SI: variants seen among roughly 807,000 people sequenced by gnomAD.
SI encodes the protein sucrase-isomaltase.
A neutral mutation model predicts 253.3 loss-of-function variants in SI; 235 were observed. The observed-to-expected ratio is 0.93, with a 90% CI of 0.83 to 1.03. The LOEUF (loss-of-function observed/expected upper bound fraction) is 1.03. SI is among the 50% of genes least tolerant of loss of function. The probability of loss-of-function intolerance (pLI) is 0.00; values close to 1 mark genes in which losing one functional copy is unlikely to be tolerated. For missense variants in SI, 2,442 were observed against 2,211.1 expected (o/e 1.10, Z -2.09); for synonymous variants, 819 against 712.0 (o/e 1.15, Z -2.39).
At chr3:165,072,373 T>C (rs1714634871) in intron 3 of SI, among the ~76,000 whole-genome samples, 1 of 151,896 alleles carries the variant, frequency 6.6e-6, no homozygotes, top group Admixed American at 6.6e-5. Context: ...ATCTTTAGGG[T>C]ATTTAATGAA....
rs534637250 is a variant in SI, at chr3:165,038,971, A to G, written c.2301+107T>C. On this transcript the variant is annotated intron_variant, in intron 20 of 47. Transcript: ENST00000264382. ...TTTTTATAGTAATGACAGAAATTCT[A>G]AAAATATGTATGCTATGTAGTTAAG... is the stretch of plus-strand genomic sequence containing the variant. The G allele has an allele frequency of 3.9e-5, 26 of 671,350 alleles. 1 individual carries two copies. In the South Asian group the frequency reaches 5.0e-4, roughly 13 times the overall value. 41.6% of individuals were successfully genotyped at this position (671,350 alleles called of 1,614,324 possible).
At chr3:164,993,774 C>T (rs2108129995) in intron 41 of SI, among the ~76,000 whole-genome samples, 1 of 151,582 alleles carries the variant, frequency 6.6e-6, no homozygotes, top group East Asian at 1.9e-4. Flanking sequence ...AGAGGTGAAT[C>T]CAAAACAAAT....
intron 47 of SI, among the ~76,000 whole-genome samples, chr3:164,979,830 A>G (rs772514169): frequency 1.3e-5 from 2 of 151,876 alleles, no homozygotes; most frequent in Non-Finnish European, 2.9e-5. Context: ...TTTAGATTTA[A>G]AAGTGTTATT....
chr3:165,089,537 GAGA>G, the SI span, among the ~76,000 whole-genome samples: 2 of 152,152 alleles, frequency 1.3e-5, no homozygotes, highest in African/African-American at 4.8e-5. Flanking sequence ...CAGGAGCAGA[GAGA>G]AGAAGGATCC....
intron 34 of SI, among the ~76,000 whole-genome samples, chr3:165,012,377 A>T (rs1347933993): frequency 1.3e-5 from 2 of 152,096 alleles, no homozygotes; most frequent in African/African-American, 4.8e-5. Context: ...ATTTATTAAG[A>T]GGGTAGATCT....
chr3:165,060,017 A>C lies in SI; in HGVS notation c.1031T>G (p.Leu344Arg). ...VVQQYQQLVG[L>R]PAMPAYWNLG... ...ATTCCAATATGCTGGCATTGCTGGT[A>C]GTCCAACAAGCTTAAAGTAAATGAG... Residue 344 changes from leucine (L) to arginine (R), a missense_variant, in exon 10 of 48, where the codon CTA becomes CGA. Coordinates refer to ENST00000264382, the MANE Select transcript of SI (RefSeq NM_001041.4). The C allele has an allele frequency of 6.2e-7, 1 of 1,611,576 alleles. No individual in the cohort carries two copies. Among genetic ancestry groups the C allele is most frequent in the Non-Finnish European group, 8.5e-7 (1 of 1,178,316 alleles).
Position 164,994,333 on chromosome 3 carries a change from A to C in SI, c.4765T>G (p.Leu1589Val), listed in dbSNP as rs770882773. 1.2e-6 allele frequency: 2 copies of C among 1,611,008 alleles called. No homozygotes were observed. The highest frequency in any genetic ancestry group is 8.5e-7 in the Non-Finnish European group (1 of 1,177,820). The change falls in exon 41 of 48, where the codon TTA (leucine) becomes GTA (valine). Residue 1589 changes from leucine to valine, a missense_variant. Physicochemically the swap from Leu to Val is conservative, Grantham distance 32. Transcript: ENST00000264382. ...SRNILNIRYT[L>V]LPYFYTQMHE... ...ATTTGTGTGTAAAAATAGGGCAATA[A>C]GGTGTATCTAATATTTAGAATATTC...
At chr3:164,989,757 A>C (rs1391362253) in intron 44 of SI, among the ~76,000 whole-genome samples, 1 of 152,248 alleles carries the variant, frequency 6.6e-6, no homozygotes, top group Non-Finnish European at 1.5e-5. Flanking sequence ...AGTGCTAAAA[A>C]GAAATGAGAT....
intron 21 of SI, 99 bp downstream of exon 21, chr3:165,037,801 G>A: frequency 1.2e-6 from 1 of 844,404 alleles, no homozygotes; most frequent in Admixed American, 2.0e-5. Context: ...AATATCTTCT[G>A]GTGCAGAAAC....
At chr3:165,045,026 A>C (rs1276551494) in intron 16 of SI, among the ~76,000 whole-genome samples, 1 of 152,044 alleles carries the variant, frequency 6.6e-6, no homozygotes, top group Non-Finnish European at 1.5e-5. Flanking sequence ...TCATTTAACA[A>C]ATTATACATG....
At chr3:165,031,048 CAG>C (rs1712210951) in intron 24 of SI, among the ~76,000 whole-genome samples, 181 bp from the exon 25 acceptor site, 1 of 149,524 alleles carries the variant, frequency 6.7e-6, no homozygotes, top group African/African-American at 2.4e-5. Flanking sequence ...ACTAGAAAAA[CAG>C]AAAATATATA....
At chr3:164,988,416 G>A (rs1717545399) in intron 44 of SI, among the ~76,000 whole-genome samples, 1 of 152,036 alleles carries the variant, frequency 6.6e-6, no homozygotes, top group African/African-American at 2.4e-5. Context: ...ACTAAAACTT[G>A]TGATTAGAAA....
In SI at chr3:165,059,972, C is replaced by T. The variant is rs769430395; in HGVS notation, c.1076G>A (p.Arg359His). 3.1e-6 allele frequency: 5 copies of T among 1,612,036 alleles called. No individual in the cohort carries two copies. Among genetic ancestry groups the T allele is most frequent in the Non-Finnish European group, 2.5e-6 (3 of 1,178,686 alleles). The change falls in exon 10 of 48, where the codon CGC becomes CAC. Residue 359 changes from arginine to histidine, a missense_variant. Coordinates refer to ENST00000264382, the MANE Select transcript of SI (RefSeq NM_001041.4). ...TACATCTAGTGACTTATAATTCCAG[C>T]GACTTAGTTGGAATCCAAGATTCCA... The part of the protein sequence containing the change: ...AYWNLGFQLS[R>H]WNYKSLDVVK...
At chr3:165,033,954 T>C (rs1576898904) in intron 22 of SI, among the ~76,000 whole-genome samples, 1 of 151,464 alleles carries the variant, frequency 6.6e-6, no homozygotes, top group South Asian at 2.1e-4. Flanking sequence ...ATGAGGAAAA[T>C]GGATGAATAC....
chr3:165,084,864 T>C, the SI span, among the ~76,000 whole-genome samples: 1 of 152,086 alleles, frequency 6.6e-6, no homozygotes, highest in Non-Finnish European at 1.5e-5. Flanking sequence ...AACAGAAGTT[T>C]CACAAATAAC....
intron 3 of SI, among the ~76,000 whole-genome samples, chr3:165,073,877 A>T (rs115516151): frequency 6.6e-6 from 1 of 152,092 alleles, no homozygotes; most frequent in East Asian, 1.9e-4. Flanking sequence ...CTGCCATTTT[A>T]TTTGAGAGAT....
Position 165,033,411 on chromosome 3 carries a change from G to T in SI, c.2549C>A (p.Thr850Lys). The part of the protein sequence containing the change: ...TIQNGNYILY[T>K]FSVSNNTLDI... The stretch of plus-strand genomic sequence containing the variant: ...AGTGCTTACATTAGAAACTGAAAAT[G>T]TATATAATATGTAGTTGCCATTTTG... The change falls in exon 23 of 48, where the codon ACA becomes AAA. Residue 850 changes from threonine to lysine, a missense_variant. Thr to Lys is a moderately conservative substitution (Grantham distance 78). Transcript: ENST00000264382. 6.4e-7 allele frequency: 1 copy of T among 1,556,124 alleles called. No homozygotes were observed. Among genetic ancestry groups the T allele is most frequent in the Non-Finnish European group, 8.7e-7 (1 of 1,147,474 alleles).
At chr3:165,066,575 C>T (rs539463175) in intron 6 of SI, among the ~76,000 whole-genome samples, 1 of 151,938 alleles carries the variant, frequency 6.6e-6, no homozygotes, top group South Asian at 2.1e-4. Flanking sequence ...ACCAACATCT[C>T]CCCCATTCTC....
chr3:165,057,130 A>G (rs1257248776), intron 12 of SI, among the ~76,000 whole-genome samples: 1 of 151,866 alleles, frequency 6.6e-6, no homozygotes, highest in African/African-American at 2.4e-5. Flanking sequence ...GATAAATTTA[A>G]TGAAAAGATT....
Sources: gnomAD v4.1 joint callset for allele counts (sites outside exome capture counted in the v4.1 genomes callset) on GRCh38, gnomAD v4.1.1 for gene constraint, MANE v1.5 for transcripts, NCBI Gene and HGNC (gene_info 2026-07-23, HGNC 2026-07-21) for gene names.